The following ADCY5 variants were observed in gnomAD, a reference collection of about 807,000 sequenced individuals.
ADCY5 encodes adenylate cyclase type 5.
In ADCY5, 30 loss-of-function variants were observed where a neutral mutation model predicts 119.7. The ratio of observed to expected loss-of-function variants is 0.25; its 90% CI spans 0.19 to 0.34. The LOEUF (loss-of-function observed/expected upper bound fraction) is 0.34, where lower values mean the gene tolerates loss of function less well. Among genes scored for constraint, ADCY5 ranks in the 10% least tolerant of loss-of-function variants. The pLI is 1.00. For synonymous variants in ADCY5, 753 were observed against 762.2 expected, an observed-to-expected ratio of 0.99 and a Z score of 0.20; for missense variants, 1,324 against 1,775.2, an observed-to-expected ratio of 0.75 and a Z score of 4.57.
intron 3 of ADCY5, among the ~76,000 whole-genome samples, chr3:123,338,150 C>G (rs537565059): frequency 6.6e-6 from 1 of 152,324 alleles, no homozygotes; most frequent in African/African-American, 2.4e-5. Context: ...CTCCCTGCAG[C>G]CTCCTGGGAA....
chr3:123,360,784 A>C (rs970652152), intron 1 of ADCY5, among the ~76,000 whole-genome samples: 2 of 152,256 alleles, frequency 1.3e-5, no homozygotes, highest in Non-Finnish European at 1.5e-5. Context: ...AATGTGAAGA[A>C]AGACAAATAT....
chr3:123,445,245 G>T (rs1945792242), intron 1 of ADCY5, among the ~76,000 whole-genome samples: 1 of 152,204 alleles, frequency 6.6e-6, no homozygotes, highest in Non-Finnish European at 1.5e-5. Flanking sequence ...GGGGAGAGAA[G>T]GGAGAGGGAT....
intron 15 of ADCY5, among the ~76,000 whole-genome samples, chr3:123,298,421 A>T (rs1390987279): frequency 6.6e-6 from 1 of 152,192 alleles, no homozygotes; most frequent in Non-Finnish European, 1.5e-5. Flanking sequence ...GAGGAGGGCA[A>T]CATTCCCTGC....
chr3:123,417,747 C>G (rs1945218109), intron 1 of ADCY5, among the ~76,000 whole-genome samples: 1 of 152,162 alleles, frequency 6.6e-6, no homozygotes, highest in African/African-American at 2.4e-5. Flanking sequence ...GGTCACCTCA[C>G]CTCTCTGGGC....
chr3:123,410,262 A>G (rs1016208681), intron 1 of ADCY5, among the ~76,000 whole-genome samples: 1 of 152,152 alleles, frequency 6.6e-6, no homozygotes. Flanking sequence ...TCCTCAGGAA[A>G]CAGCCCACAA....
rs1360270954 is a variant in ADCY5 at position 123,287,750 on chromosome 3, CA to C, written c.3533-942del. On this transcript the variant is annotated intron_variant, in intron 19 of 20. Coordinates refer to ENST00000462833, the MANE Select transcript of ADCY5 (RefSeq NM_183357.3). ...AGGCTGGACTGTCCACCTTGCTGAC[CA>C]GACTGAGCCCTGATGGCTTCTATTT... Among the ~76,000 whole-genome samples, 3 of 152,292 alleles carry C rather than the reference CA, an allele frequency of 2.0e-5. No homozygotes were observed. The South Asian group carries it at 6.2e-4, about 32-fold the overall frequency.
chr3:123,289,601 G>T, intron 19 of ADCY5, 149 bp downstream of exon 19: 4 of 899,076 alleles, frequency 4.4e-6, no homozygotes, highest in Non-Finnish European at 6.9e-6. Flanking sequence ...CCTACTAAGG[G>T]CAGGGAACAC....
chr3:123,391,700 T>C (rs1339755856), intron 1 of ADCY5, among the ~76,000 whole-genome samples: 1 of 152,190 alleles, frequency 6.6e-6, no homozygotes, highest in African/African-American at 2.4e-5. Context: ...GGGTTCCTGT[T>C]AGGTCAGAGT....
At chr3:123,392,095 T>C (rs1032875555) in intron 1 of ADCY5, among the ~76,000 whole-genome samples, 21 of 152,182 alleles carry the variant, frequency 1.4e-4, no homozygotes, top group Non-Finnish European at 2.2e-4. Context: ...TAATTTACTT[T>C]ATGTAATTAA....
At chr3:123,429,730 T>C (rs1458856714) in intron 1 of ADCY5, among the ~76,000 whole-genome samples, 4 of 152,156 alleles carry the variant, frequency 2.6e-5, no homozygotes, top group Non-Finnish European at 4.4e-5. Context: ...GTGGAGAGCA[T>C]GGGCTGCATA....
intron 1 of ADCY5, among the ~76,000 whole-genome samples, chr3:123,391,827 C>T (rs959508589): frequency 7.9e-5 from 12 of 152,182 alleles, no homozygotes; most frequent in African/African-American, 2.7e-4. Flanking sequence ...GGACCTTATG[C>T]TATAGTCCCA....
chr3:123,389,545 G>C (rs536211473), intron 1 of ADCY5, among the ~76,000 whole-genome samples: 1 of 151,810 alleles, frequency 6.6e-6, no homozygotes, highest in Non-Finnish European at 1.5e-5. Context: ...ACACACATGC[G>C]CACACACACG....
intron 1 of ADCY5, among the ~76,000 whole-genome samples, chr3:123,417,956 G>T (rs889410774): frequency 3.3e-5 from 5 of 152,182 alleles, no homozygotes; most frequent in African/African-American, 1.2e-4. Flanking sequence ...CGAGACTCTG[G>T]ACCAGCCATG....
chr3:123,338,028 C>A (rs1942099297), intron 3 of ADCY5, among the ~76,000 whole-genome samples: 1 of 152,198 alleles, frequency 6.6e-6, no homozygotes, highest in South Asian at 2.1e-4. Flanking sequence ...GAACCAGTGG[C>A]TGAACAGGTA....
intron 1 of ADCY5, chr3:123,419,133 C>T (rs949386716): frequency 6.3e-5 from 62 of 984,870 alleles, no homozygotes; most frequent in African/African-American, 1.4e-4. Flanking sequence ...CTCCAGGGAA[C>T]GCTGATAGTG....
At chr3:123,442,310 ATCACGGGAGGCTCCC>A (rs1170903553) in intron 1 of ADCY5, among the ~76,000 whole-genome samples, 1 of 152,188 alleles carries the variant, frequency 6.6e-6, no homozygotes, top group African/African-American at 2.4e-5. Context: ...AGGCTGCGCC[ATCACGGGAGGCTCCC>A]TCCTCAGGTC....
At chr3:123,422,902 C>G (rs1681257598) in intron 1 of ADCY5, among the ~76,000 whole-genome samples, 1 of 152,204 alleles carries the variant, frequency 6.6e-6, no homozygotes, top group Non-Finnish European at 1.5e-5. Context: ...ACAGAGATAC[C>G]ACCCGATAGG....
intron 1 of ADCY5, chr3:123,419,252 C>A: frequency 2.2e-5 from 22 of 982,374 alleles, no homozygotes; most frequent in African/African-American, 5.2e-5. Flanking sequence ...CTCCCCTCCA[C>A]GCGCCCCCAC....
Position 123,448,092 on chromosome 3 carries a change from G to A in ADCY5, c.454C>T (p.Arg152Cys). 8.3e-7 allele frequency: 1 copy of A among 1,199,314 alleles called. No individual in the cohort carries two copies. The allele number at this position is 1,199,314 out of a possible 1,614,324, so 74.3% of individuals were successfully genotyped here. Reference protein sequence around the residue: ...AAASAGGTEVRPRSVEVGLEE... With the variant: ...AAASAGGTEVCPRSVEVGLEE... Reference sequence around the variant, plus strand: ...AGACCCACCTCCACCGAGCGAGGGCGCACCTCCGTCCCGCCCGCCGAGGCA... The same window carrying A: ...AGACCCACCTCCACCGAGCGAGGGCACACCTCCGTCCCGCCCGCCGAGGCA... The change falls in exon 1 of 21, where the codon CGC (arginine) becomes TGC (cysteine). Residue 152 changes from arginine to cysteine, a missense_variant. By Grantham distance (180) the Arg-to-Cys change is radical. This residue lies in a region of ADCY5 where 585 missense variants were observed against 569.9 expected (regional missense o/e 1.03). Coordinates refer to ENST00000462833, the MANE Select transcript of ADCY5 (RefSeq NM_183357.3).
Sources: gnomAD v4.1 joint callset for allele counts (sites outside exome capture counted in the v4.1 genomes callset) on GRCh38, gnomAD v4.1.1 for gene constraint, gnomAD v4.1.1 regional missense constraint, MANE v1.5 for transcripts, NCBI Gene and HGNC (gene_info 2026-07-23, HGNC 2026-07-21) for gene names.